The following CCNB2 variants were observed in gnomAD, a reference collection of about 807,000 sequenced individuals.
CCNB2 encodes G2/mitotic-specific cyclin-B2.
Under a neutral mutation model 51.1 loss-of-function variants are expected in CCNB2, and 39 were observed. The ratio of observed to expected loss-of-function variants is 0.76; its 90% CI spans 0.59 to 1.00. The LOEUF is 1.00. Ranked by LOEUF, CCNB2 falls within the 50% of genes least tolerant of loss-of-function variation. The probability of loss-of-function intolerance (pLI) is 0.00; values close to 1 mark genes in which losing one functional copy is unlikely to be tolerated. For missense variants in CCNB2, 472 were observed against 470.3 expected, an observed-to-expected ratio of 1.00 and a Z score of -0.03; for synonymous variants, 174 against 165.5, an observed-to-expected ratio of 1.05 and a Z score of -0.40.
intron 3 of CCNB2, among the ~76,000 whole-genome samples, chr15:59,108,179 G>A (rs1354262160): frequency 6.6e-6 from 1 of 152,102 alleles, no homozygotes; most frequent in Non-Finnish European, 1.5e-5. Flanking sequence ...CAAAGATCAA[G>A]GTACCAAAGC....
intron 5 of CCNB2, 135 bp downstream of exon 5, chr15:59,115,011 G>A: frequency 6.7e-6 from 6 of 897,546 alleles, no homozygotes; most frequent in Admixed American, 4.7e-5. Context: ...AGAACTTTGG[G>A]GACTAAAAAG....
rs575189372 is a variant in CCNB2, at chr15:59,109,063, T to TG, written c.267+1401dup. Among the ~76,000 whole-genome samples, 402 of 151,872 alleles carry TG rather than the reference T, an allele frequency of 2.6e-3. 14 individuals carry two copies. In the South Asian group the frequency reaches 0.062, roughly 23 times the overall value. ...ATTTGGCAGTATATGTATATATTTT[T>TG]GGGGGGGGACGGAGTCTTGCTCTGT... On this transcript the variant is annotated intron_variant, in intron 3 of 8. Transcript: ENST00000288207.
chr15:59,109,584 G>A lies in CCNB2; in HGVS notation c.267+1914G>A, dbSNP rs28383512. 9.6e-3 allele frequency among the ~76,000 whole-genome samples: 1,468 copies of A among 152,250 alleles called. 30 individuals carry two copies. Among genetic ancestry groups the A allele is most frequent in the East Asian group, 0.037 (192 of 5,184 alleles). On this transcript the variant is annotated intron_variant, in intron 3 of 8. Transcript: ENST00000288207. The stretch of plus-strand genomic sequence containing the variant: ...CAGATTATAACAATATATAAACAGT[G>A]CAACCCCAGATTTGCTTTTAAAATG...
intron 3 of CCNB2, among the ~76,000 whole-genome samples, chr15:59,110,809 G>T (rs1471529191): frequency 6.6e-6 from 1 of 152,188 alleles, no homozygotes; most frequent in Non-Finnish European, 1.5e-5. Context: ...TTATCCTGCA[G>T]GTTTTGGAGA....
At chr15:59,106,402 T>G (rs777484280) in intron 1 of CCNB2, among the ~76,000 whole-genome samples, 8 of 152,228 alleles carry the variant, frequency 5.3e-5, no homozygotes, top group Non-Finnish European at 1.2e-4. Context: ...AGGCTTGAGT[T>G]TCCCTGGCCC....
intron 3 of CCNB2, among the ~76,000 whole-genome samples, chr15:59,110,953 A>C (rs2079255107): frequency 6.6e-6 from 1 of 152,194 alleles, no homozygotes; most frequent in Non-Finnish European, 1.5e-5. Flanking sequence ...TTCTGTCTAG[A>C]GGAGCTCCCA....
At chr15:59,110,402 T>C (rs780331547) in intron 3 of CCNB2, among the ~76,000 whole-genome samples, 13 of 152,330 alleles carry the variant, frequency 8.5e-5, no homozygotes, top group Middle Eastern at 6.8e-3. Flanking sequence ...TCTGAGAAAG[T>C]AGTGAAGGAA....
At position 59,117,298 on chromosome 15, in the gene CCNB2, A is replaced by G. The variant is rs1267225857; in HGVS notation, c.905A>G (p.His302Arg). The change falls in exon 7 of 9, where the codon CAT becomes CGT. Residue 302 changes from histidine (H) to arginine (R), a missense_variant. Coordinates refer to ENST00000288207, the MANE Select transcript of CCNB2 (RefSeq NM_004701.4). ...ELTLIDYDMV[H>R]YHPSKVAAAA... ...ACTCTCATCGACTATGATATGGTGC[A>G]TTATCATCCTTCTAAGGTAGCAGCA... The G allele has an allele frequency of 1.9e-6, 3 of 1,613,404 alleles. No individual in the cohort carries two copies. Among genetic ancestry groups the G allele is most frequent in the African/African-American group, 2.7e-5 (2 of 75,054 alleles).
At chr15:59,108,022 G>C (rs751177173) in intron 3 of CCNB2, among the ~76,000 whole-genome samples, 1 of 151,882 alleles carries the variant, frequency 6.6e-6, no homozygotes. Flanking sequence ...TAAATATTAC[G>C]ACCCTGAATA....
chr15:59,107,480 C>T, intron 2 of CCNB2, 30 bp downstream of exon 2: 3 of 1,613,908 alleles, frequency 1.9e-6, no homozygotes, highest in Non-Finnish European at 2.5e-6. Context: ...AATGTGAATA[C>T]AGAGGCCGAT....
At chr15:59,107,485 G>A (rs746535929) in intron 2 of CCNB2, 35 bp downstream of exon 2, 1 of 1,613,430 alleles carries the variant, frequency 6.2e-7, no homozygotes, top group Admixed American at 1.7e-5. Flanking sequence ...GAATACAGAG[G>A]CCGATTCTGT....
Position 59,124,814 on chromosome 15 carries a change from G to C in CCNB2, c.1134G>C (p.Met378Ile), listed in dbSNP as rs1476877578. ...YASSKLLKIS[M>I]IPQLNSKAVK... ...GCAGCAAACTCCTGAAGATCAGCAT[G>C]ATCCCTCAGCTGAACTCAAAAGCCG... Residue 378 changes from methionine to isoleucine, a missense_variant, in exon 9 of 9, where the codon ATG (methionine) becomes ATC (isoleucine). Coordinates refer to ENST00000288207, the MANE Select transcript of CCNB2 (RefSeq NM_004701.4). 1 of 1,613,074 alleles carries C rather than the reference G, an allele frequency of 6.2e-7. No individual in the cohort carries two copies. Among genetic ancestry groups the C allele is most frequent in the East Asian group, 2.2e-5 (1 of 44,808 alleles).
Position 59,114,889 on chromosome 15 carries a change from T to C in CCNB2, c.597+13T>C, listed in dbSNP as rs2079272976. The stretch of plus-strand genomic sequence containing the variant: ...TCGATTTTTACAGGTAGGTGTGGCT[T>C]CAGGGACTTCACGCCAGTGGCTCAT... On this transcript the variant is annotated intron_variant, in intron 5 of 8. Transcript: ENST00000288207. The C allele has an allele frequency of 6.2e-7, 1 of 1,603,930 alleles. No individual in the cohort carries two copies. The highest frequency in any genetic ancestry group is 1.3e-5 in the African/African-American group (1 of 74,752).
In CCNB2 at chr15:59,114,625, C is replaced by A. The variant is rs1425641924; in HGVS notation, c.438+11C>A. 1 of 1,586,580 alleles carries A rather than the reference C, an allele frequency of 6.3e-7. No homozygotes were observed. Among genetic ancestry groups the A allele is most frequent in the African/African-American group, 1.3e-5 (1 of 74,182 alleles). On this transcript the variant is annotated intron_variant, in intron 4 of 8. Coordinates refer to ENST00000288207, the MANE Select transcript of CCNB2 (RefSeq NM_004701.4). ...CTCAGGCAGCTGGAGGTAGGTGGGC[C>A]TTTGTGTTTTGGTTGTATAAGCAAT...
intron 7 of CCNB2, among the ~76,000 whole-genome samples, chr15:59,122,804 G>A (rs1277060250): frequency 6.6e-6 from 1 of 152,126 alleles, no homozygotes; most frequent in Non-Finnish European, 1.5e-5. Flanking sequence ...CGAAAGTGCT[G>A]GGATTATAGG....
intron 7 of CCNB2, among the ~76,000 whole-genome samples, chr15:59,120,226 G>A (rs2079296550): frequency 6.6e-6 from 1 of 152,190 alleles, no homozygotes; most frequent in Non-Finnish European, 1.5e-5. Flanking sequence ...GGGCTGTTTA[G>A]TGAAATTGCT....
At chr15:59,122,918 A>C (rs1566958289) in intron 7 of CCNB2, among the ~76,000 whole-genome samples, 1 of 152,214 alleles carries the variant, frequency 6.6e-6, no homozygotes, top group Non-Finnish European at 1.5e-5. Context: ...TTGGGAGGCT[A>C]GGTCACAAGG....
At chr15:59,114,921 T>C in intron 5 of CCNB2, 45 bp downstream of exon 5, 2 of 1,565,278 alleles carry the variant, frequency 1.3e-6, no homozygotes, top group Admixed American at 3.7e-5. Context: ...TCATTGAACA[T>C]TGCATTTATG....
At chr15:59,110,559 G>T (rs759886183) in intron 3 of CCNB2, among the ~76,000 whole-genome samples, 2 of 152,190 alleles carry the variant, frequency 1.3e-5, no homozygotes, top group Non-Finnish European at 2.9e-5. Context: ...ATCCCTGGAG[G>T]TGTGGAAATG....
Sources: allele counts gnomAD v4.1 joint callset (sites outside exome capture counted in the v4.1 genomes callset), GRCh38; gene constraint gnomAD v4.1.1; transcripts MANE v1.5; gene names NCBI Gene and HGNC (gene_info 2026-07-23, HGNC 2026-07-21).